The following ST6GALNAC5 variants were observed in gnomAD, a reference collection of about 807,000 sequenced individuals.
ST6GALNAC5 encodes ST6 N-acetylgalactosaminide alpha-2,6-sialyltransferase 5, also known as alpha-N-acetylgalactosaminide alpha-2,6-sialyltransferase 5.
ST6GALNAC5 carries 27 observed loss-of-function variants against 33.6 expected under a neutral mutation model. The observed-to-expected ratio is 0.80, with a 90% CI of 0.59 to 1.11. ST6GALNAC5 has a LOEUF of 1.11. Among genes scored for constraint, ST6GALNAC5 ranks in the 50% least tolerant of loss-of-function variants. The pLI, the probability that ST6GALNAC5 is intolerant of heterozygous loss-of-function variation, is 0.00. For synonymous variants in ST6GALNAC5, 194 were observed against 171.2 expected (o/e 1.13, Z -1.04); for missense variants, 428 against 454.0 (o/e 0.94, Z 0.52).
At chr1:77,043,179 C>T (rs1320708963) in intron 2 of ST6GALNAC5, among the ~76,000 whole-genome samples, 1 of 152,264 alleles carries the variant, frequency 6.6e-6, no homozygotes, top group Non-Finnish European at 1.5e-5. Context: ...TGCAACATCC[C>T]TTCAGAACAT....
In ST6GALNAC5 at chr1:77,066,907, T is replaced by C. The variant is rs903973592; in HGVS notation, c.*3701T>C. Reference sequence around the variant, plus strand: ...TCCTTGTAGGTTTTTAAACTAAAGATCTATCTGGGAAACAGATTTGGGGTA... The same window carrying C: ...TCCTTGTAGGTTTTTAAACTAAAGACCTATCTGGGAAACAGATTTGGGGTA... On this transcript the variant is annotated 3_prime_UTR_variant, in exon 5 of 5. Transcript: ENST00000477717. 2.0e-5 allele frequency among the ~76,000 whole-genome samples: 3 copies of C among 152,202 alleles called. No homozygotes were observed. The highest frequency in any genetic ancestry group is 2.9e-5 in the Non-Finnish European group (2 of 68,034).
At chr1:76,949,332 ATGGC>A (rs1397704769) in intron 2 of ST6GALNAC5, among the ~76,000 whole-genome samples, 1 of 152,188 alleles carries the variant, frequency 6.6e-6, no homozygotes, top group East Asian at 1.9e-4. Context: ...TGTTCTGAAC[ATGGC>A]CTGTTTGGGC....
chr1:76,949,263 G>A (rs1022052649), intron 2 of ST6GALNAC5, among the ~76,000 whole-genome samples: 24 of 152,092 alleles, frequency 1.6e-4, no homozygotes, highest in Admixed American at 4.6e-4. Context: ...GTTTCTTCCC[G>A]AGGCCAATTC....
rs1297226552 is a variant in ST6GALNAC5, at chr1:77,034,486, G to C, written c.262-9718G>C. On this transcript the variant is annotated intron_variant, in intron 2 of 4. Coordinates refer to ENST00000477717, the MANE Select transcript of ST6GALNAC5 (RefSeq NM_030965.3). ...TACCAGAGAGTAGGGCTTCAACATA[G>C]CTTTTGAGGGAAGCAGAAAACCCAC... 2.0e-5 allele frequency among the ~76,000 whole-genome samples: 3 copies of C among 152,102 alleles called. No individual in the cohort carries two copies. In the East Asian group the frequency reaches 5.8e-4, roughly 29 times the overall value.
intron 4 of ST6GALNAC5, among the ~76,000 whole-genome samples, chr1:77,062,023 T>C (rs977513554): frequency 6.6e-6 from 1 of 152,178 alleles, no homozygotes; most frequent in East Asian, 1.9e-4. Context: ...TTTTCTCCCA[T>C]AGGATCAAAC....
chr1:76,964,881 G>C (rs777849093), intron 2 of ST6GALNAC5, among the ~76,000 whole-genome samples: 6 of 152,176 alleles, frequency 3.9e-5, no homozygotes, highest in Non-Finnish European at 5.9e-5. Context: ...CCTTGGGATA[G>C]TTTGCTCAGA....
intron 2 of ST6GALNAC5, among the ~76,000 whole-genome samples, chr1:77,034,872 A>G (rs894677316): frequency 6.6e-6 from 1 of 152,216 alleles, no homozygotes; most frequent in African/African-American, 2.4e-5. Flanking sequence ...TGAACAGTCT[A>G]TGGATACAGG....
At chr1:76,898,180 G>T (rs1447059842) in intron 2 of ST6GALNAC5, among the ~76,000 whole-genome samples, 1 of 152,194 alleles carries the variant, frequency 6.6e-6, no homozygotes, top group Non-Finnish European at 1.5e-5. Flanking sequence ...GGCTTAGGAG[G>T]AATCCTGGGC....
At chr1:76,927,761 C>G (rs1046282082) in intron 2 of ST6GALNAC5, among the ~76,000 whole-genome samples, 20 of 152,052 alleles carry the variant, frequency 1.3e-4, no homozygotes, top group Non-Finnish European at 2.8e-4. Context: ...CATTTTGTTA[C>G]TCTTGGCAAC....
intron 1 of ST6GALNAC5, 138 bp downstream of exon 1, chr1:76,867,828 C>A: frequency 1.6e-6 from 2 of 1,246,352 alleles, no homozygotes; most frequent in Non-Finnish European, 2.3e-6. Flanking sequence ...ACTTTCTACC[C>A]GCTCCGCGTT....
intron 2 of ST6GALNAC5, among the ~76,000 whole-genome samples, chr1:76,905,238 C>T (rs1004229622): frequency 6.6e-6 from 1 of 152,092 alleles, no homozygotes; most frequent in Non-Finnish European, 1.5e-5. Context: ...GATGAGGTGG[C>T]GGGATAACTA....
intron 2 of ST6GALNAC5, among the ~76,000 whole-genome samples, chr1:76,987,835 G>T (rs1220942344): frequency 1.3e-5 from 2 of 152,124 alleles, no homozygotes; most frequent in African/African-American, 4.8e-5. Context: ...TAGATAATCT[G>T]ATGACTATGT....
At chr1:76,898,852 C>A (rs1342837704) in intron 2 of ST6GALNAC5, among the ~76,000 whole-genome samples, 1 of 151,606 alleles carries the variant, frequency 6.6e-6, no homozygotes, top group Non-Finnish European at 1.5e-5. Flanking sequence ...CTCGGCCTGG[C>A]GAGGAAGGGA....
intron 2 of ST6GALNAC5, among the ~76,000 whole-genome samples, chr1:76,906,379 G>C (rs1002870889): frequency 1.3e-5 from 2 of 152,102 alleles, no homozygotes; most frequent in Non-Finnish European, 2.9e-5. Flanking sequence ...GAAATGAAGT[G>C]GCAGTGTCTT....
chr1:76,900,368 T>C (rs758365305), intron 2 of ST6GALNAC5, among the ~76,000 whole-genome samples: 2 of 152,192 alleles, frequency 1.3e-5, no homozygotes, highest in East Asian at 1.9e-4. Flanking sequence ...ATGGCTTAGA[T>C]TGGGCTCAGA....
intron 3 of ST6GALNAC5, among the ~76,000 whole-genome samples, chr1:77,046,382 C>G (rs1224693629): frequency 6.6e-6 from 1 of 152,228 alleles, no homozygotes; most frequent in Admixed American, 6.5e-5. Context: ...CCCCCAAATT[C>G]TTTGTGTGGA....
intron 2 of ST6GALNAC5, among the ~76,000 whole-genome samples, chr1:76,878,730 T>A (rs1653706869): frequency 1.3e-5 from 2 of 152,316 alleles, no homozygotes; most frequent in Non-Finnish European, 2.9e-5. Context: ...TCTCTGTTTT[T>A]ACAATTCAAA....
chr1:77,046,172 T>A (rs886396679), intron 3 of ST6GALNAC5, among the ~76,000 whole-genome samples: 3 of 152,162 alleles, frequency 2.0e-5, no homozygotes, highest in African/African-American at 7.2e-5. Context: ...CCCAGCTACT[T>A]GAAAGGCTGA....
At chr1:77,012,554 T>C (rs1650672008) in intron 2 of ST6GALNAC5, among the ~76,000 whole-genome samples, 1 of 152,142 alleles carries the variant, frequency 6.6e-6, no homozygotes, top group South Asian at 2.1e-4. Flanking sequence ...CTTCACTATG[T>C]ATTCTGCACT....
Sources: allele counts gnomAD v4.1 joint callset (sites outside exome capture counted in the v4.1 genomes callset), GRCh38; gene constraint gnomAD v4.1.1; transcripts MANE v1.5; gene names NCBI Gene and HGNC (gene_info 2026-07-23, HGNC 2026-07-21).